The following RAD18 variants were observed in gnomAD, a reference collection of about 807,000 sequenced individuals.
The protein encoded by RAD18 is E3 ubiquitin-protein ligase RAD18.
A neutral mutation model predicts 60.4 loss-of-function variants in RAD18; 47 were observed. The observed-to-expected ratio is 0.78, with a 90% CI of 0.62 to 0.99. RAD18 has a LOEUF of 0.99. Among genes scored for constraint, RAD18 ranks in the 50% least tolerant of loss-of-function variants. RAD18 has a pLI of 0.00. For missense variants in RAD18, 640 were observed against 593.3 expected (o/e 1.08, Z -0.82); for synonymous variants, 225 against 195.5 (o/e 1.15, Z -1.26).
At chr3:8,881,591 C>T (rs1939463504) in intron 12 of RAD18, 132 bp from the exon 13 acceptor site, 1 of 665,170 alleles carries the variant, frequency 1.5e-6, no homozygotes, top group South Asian at 2.1e-5. Flanking sequence ...TTGATGAATT[C>T]ATAATTGTTA....
At chr3:8,903,196 A>G (rs1460606824) in intron 9 of RAD18, among the ~76,000 whole-genome samples, 1 of 152,204 alleles carries the variant, frequency 6.6e-6, no homozygotes, top group African/African-American at 2.4e-5. Context: ...ACAAATATGG[A>G]AACATGATAT....
intron 9 of RAD18, among the ~76,000 whole-genome samples, chr3:8,906,233 A>G (rs1212211514): frequency 6.6e-6 from 1 of 152,106 alleles, no homozygotes; most frequent in Non-Finnish European, 1.5e-5. Flanking sequence ...AGTAATATAA[A>G]ATTTATCTCT....
At chr3:8,919,127 T>C (rs1454343355) in intron 7 of RAD18, among the ~76,000 whole-genome samples, 1 of 152,178 alleles carries the variant, frequency 6.6e-6, no homozygotes, top group Non-Finnish European at 1.5e-5. Flanking sequence ...TTCACAACAG[T>C]CTCTAGGTAG....
chr3:8,937,506 T>C (rs937074911), intron 6 of RAD18, among the ~76,000 whole-genome samples: 1 of 149,948 alleles, frequency 6.7e-6, no homozygotes, highest in African/African-American at 2.5e-5. Flanking sequence ...TGGTTTTATA[T>C]AGAAGGGTTA....
In RAD18 at chr3:8,941,614, T is replaced by G. The variant is rs773998053; in HGVS notation, c.457A>C (p.Asn153His). Reference sequence around the variant, plus strand: ...TTTTGAGGGCTGAATTTGCTTTTATTTTCTTTTATCAACAACTCTGATGTA... The same window carrying G: ...TTTTGAGGGCTGAATTTGCTTTTATGTTCTTTTATCAACAACTCTGATGTA... The part of the protein sequence containing the change: ...GSTSELLIKE[N>H]KSKFSPQKEA... The change falls in exon 5 of 13, where the codon AAT (asparagine) becomes CAT (histidine). Residue 153 changes from asparagine (N) to histidine (H), a missense_variant. Coordinates refer to ENST00000264926, the MANE Select transcript of RAD18 (RefSeq NM_020165.4). 2 of 1,614,184 alleles carry G rather than the reference T, an allele frequency of 1.2e-6. No homozygotes were observed. Among genetic ancestry groups the G allele is most frequent in the South Asian group, 2.2e-5 (2 of 91,090 alleles).
intron 12 of RAD18, among the ~76,000 whole-genome samples, chr3:8,886,807 T>A (rs955982936): frequency 1.3e-5 from 2 of 152,116 alleles, no homozygotes; most frequent in Non-Finnish European, 2.9e-5. Flanking sequence ...GTGTAACTCA[T>A]GAGGCAACTG....
intron 2 of RAD18, among the ~76,000 whole-genome samples, chr3:8,951,513 T>C (rs1190235020): frequency 6.6e-6 from 1 of 152,102 alleles, no homozygotes; most frequent in Admixed American, 6.5e-5. Context: ...AGGAGGAAAA[T>C]AATTTAGGTC....
At chr3:8,921,883 G>A (rs371700572) in intron 7 of RAD18, among the ~76,000 whole-genome samples, 1 of 152,132 alleles carries the variant, frequency 6.6e-6, no homozygotes, top group Non-Finnish European at 1.5e-5. Context: ...ATAGTAACAA[G>A]GTATTATAGA....
intron 7 of RAD18, among the ~76,000 whole-genome samples, chr3:8,921,173 T>C (rs529099754): frequency 6.6e-6 from 1 of 152,230 alleles, no homozygotes; most frequent in East Asian, 1.9e-4. Flanking sequence ...ATAAAGCAAA[T>C]GAGGCAAAAT....
At chr3:8,892,349 G>A (rs149319999) in intron 11 of RAD18, among the ~76,000 whole-genome samples, 1 of 152,290 alleles carries the variant, frequency 6.6e-6, no homozygotes, top group East Asian at 1.9e-4. Flanking sequence ...CCTCTCTGAT[G>A]TCCCTACTGG....
intron 12 of RAD18, among the ~76,000 whole-genome samples, chr3:8,884,648 C>T (rs1466040089): frequency 2.0e-5 from 3 of 152,030 alleles, no homozygotes; most frequent in Non-Finnish European, 2.9e-5. Flanking sequence ...CATGTTTCCC[C>T]TCTTTGATTT....
intron 7 of RAD18, among the ~76,000 whole-genome samples, chr3:8,930,886 C>A (rs1328838367): frequency 6.6e-6 from 1 of 151,712 alleles, no homozygotes; most frequent in African/African-American, 2.4e-5. Context: ...GGAGACAGAC[C>A]CTTGAAAAAT....
chr3:8,930,381 AT>A (rs2125062802), intron 7 of RAD18, among the ~76,000 whole-genome samples: 1 of 152,312 alleles, frequency 6.6e-6, no homozygotes, highest in East Asian at 1.9e-4. Flanking sequence ...ACAGAAGTAA[AT>A]TAGTGGCTAT....
At chr3:8,912,099 C>G (rs1940113752) in intron 9 of RAD18, among the ~76,000 whole-genome samples, 1 of 151,716 alleles carries the variant, frequency 6.6e-6, no homozygotes, top group South Asian at 2.1e-4. Context: ...GTGATAAGCT[C>G]AAAGTAGAAT....
intron 12 of RAD18, among the ~76,000 whole-genome samples, chr3:8,884,800 C>T (rs773838539): frequency 1.3e-5 from 2 of 152,166 alleles, no homozygotes; most frequent in Non-Finnish European, 2.9e-5. Context: ...CACCTCATCC[C>T]CTAAGATGCA....
At chr3:8,962,821 G>A (rs887651594) in intron 1 of RAD18, among the ~76,000 whole-genome samples, 1 of 152,186 alleles carries the variant, frequency 6.6e-6, no homozygotes, top group Non-Finnish European at 1.5e-5. Flanking sequence ...AAGAGTGAAG[G>A]TGTGTTAGAG....
At chr3:8,905,526 T>C (rs762825674) in intron 9 of RAD18, among the ~76,000 whole-genome samples, 2 of 152,198 alleles carry the variant, frequency 1.3e-5, no homozygotes, top group Admixed American at 1.3e-4. Context: ...AGAAATGAGT[T>C]TGGAGTCAGT....
At chr3:8,945,671 CA>C (rs1940828364) in intron 4 of RAD18, among the ~76,000 whole-genome samples, 1 of 151,828 alleles carries the variant, frequency 6.6e-6, no homozygotes, top group South Asian at 2.1e-4. Flanking sequence ...AGGGTTTCAC[CA>C]TGTTGGCCAG....
chr3:8,894,619 AG>A (rs1939753778), intron 11 of RAD18, among the ~76,000 whole-genome samples: 1 of 152,208 alleles, frequency 6.6e-6, no homozygotes, highest in South Asian at 2.1e-4. Flanking sequence ...ACTGACTGCT[AG>A]GTACATGGAT....
Sources: gnomAD v4.1 joint callset for allele counts (sites outside exome capture counted in the v4.1 genomes callset) on GRCh38, gnomAD v4.1.1 for gene constraint, MANE v1.5 for transcripts, NCBI Gene and HGNC (gene_info 2026-07-23, HGNC 2026-07-21) for gene names.